Variants in VCAM1 observed in about 807,000 individuals in gnomAD.
VCAM1 encodes the protein vascular cell adhesion protein 1.
In VCAM1, 41 loss-of-function variants were observed where a neutral mutation model predicts 63.8. That is an observed-to-expected ratio of 0.64 (90% CI 0.50 to 0.83). The LOEUF (loss-of-function observed/expected upper bound fraction) is 0.83, where lower values mean the gene tolerates loss of function less well. VCAM1 is among the 40% of genes least tolerant of loss of function. The pLI is 0.00. For missense variants in VCAM1, 798 were observed against 875.5 expected, an observed-to-expected ratio of 0.91 and a Z score of 1.12; for synonymous variants, 338 against 320.7, an observed-to-expected ratio of 1.05 and a Z score of -0.58.
rs376110449 is a variant in VCAM1 at position 100,736,516 on chromosome 1, T to C, written c.2060-1607T>C. On this transcript the variant is annotated intron_variant, in intron 8 of 8. Coordinates refer to ENST00000294728, the MANE Select transcript of VCAM1 (RefSeq NM_001078.4). ...TTGAAGGTTGCCCTGGCAACTACCTTGGCAGCAAATTTGTATTTTTCTGCC... is the reference window on the plus strand; with the variant it reads ...TTGAAGGTTGCCCTGGCAACTACCTCGGCAGCAAATTTGTATTTTTCTGCC... 7 of 152,290 alleles carry C rather than the reference T, an allele frequency of 4.6e-5. No homozygotes were observed. The South Asian group carries it at 8.3e-4, about 18-fold the overall frequency. The allele number at this position is 152,290 out of a possible 1,614,324, so 9.4% of individuals were successfully genotyped here. A position where few individuals can be genotyped will look rare whatever the true frequency, so the allele number is the denominator to read the frequency against.
At position 100,734,576 on chromosome 1, in the gene VCAM1, T is replaced by A. The variant is rs767170467; in HGVS notation, c.1867T>A (p.Cys623Ser). Residue 623 changes from cysteine to serine, a missense_variant, in exon 8 of 9, where the codon TGT becomes AGT. Coordinates refer to ENST00000294728, the MANE Select transcript of VCAM1 (RefSeq NM_001078.4). ...VKEGDTVIIS[C>S]TCGNVPETWI... ...AGAAGGAGACACTGTCATCATCTCTTGTACATGTGGAAATGTTCCAGAAAC... is the reference window on the plus strand; with the variant it reads ...AGAAGGAGACACTGTCATCATCTCTAGTACATGTGGAAATGTTCCAGAAAC... 4.3e-6 allele frequency: 7 copies of A among 1,613,890 alleles called. No individual in the cohort carries two copies. The highest frequency in any genetic ancestry group is 5.9e-6 in the Non-Finnish European group (7 of 1,179,888).
In VCAM1 at chr1:100,719,932, A is replaced by G. The variant is rs752103980; in HGVS notation, c.64+8A>G. 15 of 1,607,532 alleles carry G rather than the reference A, an allele frequency of 9.3e-6. No homozygotes were observed. The Admixed American group carries it at 2.5e-4, about 27-fold the overall frequency. On this transcript the variant is annotated splice_region_variant and intron_variant, in intron 1 of 8. Coordinates refer to ENST00000294728, the MANE Select transcript of VCAM1 (RefSeq NM_001078.4). ...GGATAATGTTTGCAGCTTGTAAGTT[A>G]TTTCCCTTCATCTGTTTCAAATGTT...
intron 4 of VCAM1, among the ~76,000 whole-genome samples, chr1:100,727,028 T>C (rs918240746): frequency 3.6e-5 from 5 of 137,150 alleles, no homozygotes; most frequent in Non-Finnish European, 7.8e-5. Context: ...TGTAAACTCC[T>C]TAAAATCAGG....
intron 7 of VCAM1, 100 bp from the exon 8 acceptor site, chr1:100,734,402 A>T: frequency 4.5e-6 from 6 of 1,327,510 alleles, no homozygotes; most frequent in Non-Finnish European, 6.1e-6. Flanking sequence ...AACGCTAAGC[A>T]CAAATAGCTC....
At chr1:100,730,048 T>C (rs765318404) in intron 5 of VCAM1, among the ~76,000 whole-genome samples, 1 of 152,172 alleles carries the variant, frequency 6.6e-6, no homozygotes, top group Admixed American at 6.5e-5. Context: ...TCAGTCCATA[T>C]TGAATGAAGA....
chr1:100,728,625 A>G (rs1458351147), intron 4 of VCAM1, among the ~76,000 whole-genome samples: 2 of 151,872 alleles, frequency 1.3e-5, no homozygotes, highest in Non-Finnish European at 2.9e-5. Flanking sequence ...GGAGGGGGAA[A>G]AGGAGGAAGA....
In VCAM1 at chr1:100,729,258, G is replaced by T. The variant is rs1660311050; in HGVS notation, c.1080G>T (p.Arg360Ser). 6.2e-7 allele frequency: 1 copy of T among 1,613,460 alleles called. No individual in the cohort carries two copies. The highest frequency in any genetic ancestry group is 8.5e-7 in the Non-Finnish European group (1 of 1,179,724). The change falls in exon 5 of 9, where the codon AGG becomes AGT. Residue 360 changes from arginine (R) to serine (S), a missense_variant. Transcript: ENST00000294728. ...QIDSPLSGKV[R>S]SEGTNSTLTL... ...ACAGCCCTCTGAGCGGGAAGGTGAG[G>T]AGTGAGGGGACCAATTCCACGCTGA...
chr1:100,721,559 G>A (rs1315413757), intron 2 of VCAM1, among the ~76,000 whole-genome samples: 2 of 151,916 alleles, frequency 1.3e-5, no homozygotes, highest in African/African-American at 2.4e-5. Flanking sequence ...ACCCATTTAC[G>A]GTCATGTCTT....
Position 100,738,723 on chromosome 1 carries a change from C to A in VCAM1, c.*440C>A, listed in dbSNP as rs1660748082. The stretch of plus-strand genomic sequence containing the variant: ...ATCTTTCTTCTATTTTATTCCCTTT[C>A]ACAAAATTTTATTCCTATATAGTTT... On this transcript the variant is annotated 3_prime_UTR_variant, in exon 9 of 9. Transcript: ENST00000294728. The A allele has an allele frequency of 6.6e-6, 1 of 152,622 alleles. No homozygotes were observed. Among genetic ancestry groups the A allele is most frequent in the African/African-American group, 2.4e-5 (1 of 41,442 alleles). The allele number at this position is 152,622 out of a possible 1,614,324, so 9.5% of individuals were successfully genotyped here.
intron 1 of VCAM1, 94 bp from the exon 2 acceptor site, chr1:100,720,382 T>C: frequency 6.8e-7 from 1 of 1,466,372 alleles, no homozygotes; most frequent in Non-Finnish European, 9.2e-7. Flanking sequence ...AAGAGATCAG[T>C]CTGATCATAT....
rs1301339267 is a variant in VCAM1 at position 100,731,991 on chromosome 1, G to A, written c.1526-427G>A. Among the ~76,000 whole-genome samples the A allele has an allele frequency of 2.0e-5, 3 of 152,198 alleles. No homozygotes were observed. The highest frequency in any genetic ancestry group is 4.4e-5 in the Non-Finnish European group (3 of 68,038). ...GCCTCTTCAAGGCCTGGGTTTGGAA[G>A]TCCTACAGTGTTACTTCTTCTTCCA... is the stretch of plus-strand genomic sequence containing the variant. On this transcript the variant is annotated intron_variant, in intron 6 of 8. Coordinates refer to ENST00000294728, the MANE Select transcript of VCAM1 (RefSeq NM_001078.4). The surrounding 1 kb of genome is among the most constrained non-coding windows in gnomAD (Gnocchi z 4.2).
intron 7 of VCAM1, among the ~76,000 whole-genome samples, chr1:100,732,985 G>A (rs921264329): frequency 6.6e-6 from 1 of 152,186 alleles, no homozygotes; most frequent in African/African-American, 2.4e-5. Flanking sequence ...AATAAGAATA[G>A]GAAGAGGAAT....
rs781772108 is a variant in VCAM1 at position 100,731,373 on chromosome 1, T to C, written c.1380T>C (p.Ser460=). The C allele has an allele frequency of 1.9e-6, 3 of 1,613,690 alleles. No homozygotes were observed. The East Asian group carries it at 6.7e-5, about 36-fold the overall frequency. The change falls in exon 6 of 9, where the codon TCT becomes TCC. Residue 460 remains serine (S), a synonymous_variant. Transcript: ENST00000294728. The surrounding 1 kb of genome is among the most constrained non-coding windows in gnomAD (Gnocchi z 4.2). ...IEFLEDTDMK[S]LENKSLEMTF... is the part of the protein sequence containing the mutation. ...TTTTGGAGGATACGGATATGAAATC[T>C]CTAGAGAACAAAAGTTTGGAAATGA...
chr1:100,738,058 CTG>C, intron 8 of VCAM1, 63 bp from the exon 9 acceptor site: 8 of 1,528,484 alleles, frequency 5.2e-6, no homozygotes, highest in Non-Finnish European at 7.2e-6. Context: ...AAACATGTAA[CTG>C]TTGTTATTAA....
intron 7 of VCAM1, 74 bp downstream of exon 7, chr1:100,732,758 C>A: frequency 6.9e-7 from 1 of 1,447,832 alleles, no homozygotes; most frequent in Non-Finnish European, 9.1e-7. Context: ...TGAGTAAAGT[C>A]TTTGAAAACA....
rs1480199302 is a variant in VCAM1 at position 100,732,787 on chromosome 1, T to A, written c.1792+103T>A. The A allele has an allele frequency of 4.6e-6, 6 of 1,303,256 alleles. No individual in the cohort carries two copies. In the African/African-American group the frequency reaches 6.0e-5, roughly 13 times the overall value. The allele number at this position is 1,303,256 out of a possible 1,614,324, so 80.7% of individuals were successfully genotyped here. A position where few individuals can be genotyped will look rare whatever the true frequency, so the allele number is the denominator to read the frequency against. ...GAAAACAAAATTTTTACTACAAAAGTGTGATGAGGGTTTTGAAGAGTTTAT... is the reference window on the plus strand; with the variant it reads ...GAAAACAAAATTTTTACTACAAAAGAGTGATGAGGGTTTTGAAGAGTTTAT... On this transcript the variant is annotated intron_variant, in intron 7 of 8. Coordinates refer to ENST00000294728, the MANE Select transcript of VCAM1 (RefSeq NM_001078.4).
In VCAM1 at chr1:100,720,626, C is replaced by T. The variant is rs754424141; in HGVS notation, c.215C>T (p.Thr72Met). The T allele has an allele frequency of 7.4e-6, 12 of 1,612,998 alleles. No homozygotes were observed. The highest frequency in any genetic ancestry group is 5.0e-5 in the Admixed American group (3 of 59,846). The change falls in exon 2 of 9, where the codon ACG (threonine) becomes ATG (methionine). Residue 72 changes from threonine to methionine, a missense_variant. Thr to Met is a moderately conservative substitution (Grantham distance 81, BLOSUM62 -1). Transcript: ENST00000294728. The part of the protein sequence containing the change: ...QIDSPLNGKV[T>M]NEGTTSTLTM... ...GATAGTCCACTGAATGGGAAGGTGACGAATGAGGGGACCACATCTACGCTG... is the reference window on the plus strand; with the variant it reads ...GATAGTCCACTGAATGGGAAGGTGATGAATGAGGGGACCACATCTACGCTG...
At chr1:100,725,316 C>G (rs1660123804) in intron 4 of VCAM1, among the ~76,000 whole-genome samples, 1 of 151,918 alleles carries the variant, frequency 6.6e-6, no homozygotes, top group Non-Finnish European at 1.5e-5. Context: ...CAAAATGCTC[C>G]CTGGAATATG....
At chr1:100,737,973 G>T in intron 8 of VCAM1, 150 bp from the exon 9 acceptor site, 1 of 760,086 alleles carries the variant, frequency 1.3e-6, no homozygotes, top group African/African-American at 1.8e-5. Flanking sequence ...AGACAAACAT[G>T]CATCTTGGGT....
Sources: gnomAD v4.1 joint callset for allele counts (sites outside exome capture counted in the v4.1 genomes callset) on GRCh38, gnomAD v4.1.1 for gene constraint, Gnocchi (gnomAD v3.1) non-coding constraint, MANE v1.5 for transcripts, NCBI Gene and HGNC (gene_info 2026-07-23, HGNC 2026-07-21) for gene names.